ABHD18: variants seen among roughly 807,000 people sequenced by gnomAD.
ABHD18 encodes cardiolipin-specific deacylase, mitochondrial.
In ABHD18, 55 loss-of-function variants were observed where a neutral mutation model predicts 65.9. The ratio of observed to expected loss-of-function variants is 0.84; its 90% CI spans 0.67 to 1.05. ABHD18 has a LOEUF of 1.05. Ranked by LOEUF, ABHD18 falls within the 50% of genes least tolerant of loss-of-function variation. The pLI, the probability that ABHD18 is intolerant of heterozygous loss-of-function variation, is 0.00. For missense variants in ABHD18, 533 were observed against 558.5 expected, an observed-to-expected ratio of 0.95 and a Z score of 0.46; for synonymous variants, 181 against 180.2, an observed-to-expected ratio of 1.00 and a Z score of -0.04.
intron 12 of ABHD18, chr4:128,031,328 T>C (rs977852620): frequency 2.2e-4 from 35 of 157,262 alleles, no homozygotes; most frequent in Non-Finnish European, 4.1e-4. Context: ...TAGCCGGGCA[T>C]AGGTGGTGCA....
At chr4:127,984,498 G>GTT in intron 3 of ABHD18, 75 bp downstream of exon 3, 1 of 769,684 alleles carries the variant, frequency 1.3e-6, no homozygotes, top group Non-Finnish European at 2.0e-6. Context: ...ATTACATATT[G>GTT]GAGTATAACA....
At chr4:127,966,702 CAAAAAAAAAAAAAAAAAAAAAAAAAA>C (rs70966065) in intron 1 of ABHD18, among the ~76,000 whole-genome samples, 1 of 21,518 alleles carries the variant, frequency 4.6e-5, no homozygotes, top group African/African-American at 1.8e-4. Flanking sequence ...ACTAAAAATA[CAAAAAAAAAAAAAAAAAAAAAAAAAA>C]AAAAAAAAAA....
intron 4 of ABHD18, among the ~76,000 whole-genome samples, chr4:128,003,535 A>G (rs1218931780): frequency 2.0e-5 from 3 of 152,126 alleles, no homozygotes; most frequent in Non-Finnish European, 2.9e-5. Context: ...AAAGAATTTT[A>G]AAAAGAATAA....
chr4:128,018,730 T>A (rs1406752092), intron 8 of ABHD18, among the ~76,000 whole-genome samples: 2 of 152,060 alleles, frequency 1.3e-5, no homozygotes, highest in African/African-American at 4.8e-5. Context: ...AATTCAAAAC[T>A]ATGCTGGGCA....
In ABHD18 at chr4:127,982,979, T is replaced by C; in HGVS notation, c.24T>C (p.Ile8=). MGVSKLD[I]LYRRLLLTKL... ...TGATGGGTGTGAGCAAGTTAGATAT[T>C]CTATACCGGAGACTTCTCCTAACAA... is the stretch of plus-strand genomic sequence containing the variant. Residue 8 remains isoleucine (I), a synonymous_variant, in exon 2 of 13, where the codon ATT becomes ATC. Coordinates refer to ENST00000645843, the MANE Select transcript of ABHD18 (RefSeq NM_001358451.3). 6.4e-7 allele frequency: 1 copy of C among 1,565,626 alleles called. No individual in the cohort carries two copies. Among genetic ancestry groups the C allele is most frequent in the Non-Finnish European group, 8.7e-7 (1 of 1,153,726 alleles).
intron 10 of ABHD18, among the ~76,000 whole-genome samples, chr4:128,027,121 C>T (rs1421245658): frequency 2.6e-5 from 4 of 152,108 alleles, no homozygotes; most frequent in Non-Finnish European, 5.9e-5. Flanking sequence ...CAAATACTTA[C>T]AATTGTGTTA....
rs1744963796 is a variant in ABHD18 at position 127,965,463 on chromosome 4, T to C, written c.-161T>C. ...TTCCTCCCTCCGTTTCTCCTTCCGCTGTATCTAGCATTTCGGTTCCTGGAA... is the reference window on the plus strand; with the variant it reads ...TTCCTCCCTCCGTTTCTCCTTCCGCCGTATCTAGCATTTCGGTTCCTGGAA... On this transcript the variant is annotated 5_prime_UTR_variant, in exon 1 of 13. Coordinates refer to ENST00000645843, the MANE Select transcript of ABHD18 (RefSeq NM_001358451.3). 2.1e-6 allele frequency: 1 copy of C among 473,604 alleles called. No homozygotes were observed. The highest frequency in any genetic ancestry group is 3.9e-6 in the Non-Finnish European group (1 of 256,998). The allele number at this position is 473,604 out of a possible 1,614,324, so 29.3% of individuals were successfully genotyped here.
chr4:127,998,284 T>TC (rs200169639), intron 4 of ABHD18, among the ~76,000 whole-genome samples: 2 of 147,364 alleles, frequency 1.4e-5, no homozygotes, highest in African/African-American at 4.9e-5. Flanking sequence ...GACGTTTCTT[T>TC]TTTTTTTTTT....
At chr4:128,026,318 G>T (rs1048323662) in intron 10 of ABHD18, among the ~76,000 whole-genome samples, 6 of 152,024 alleles carry the variant, frequency 3.9e-5, no homozygotes, top group Middle Eastern at 3.4e-3. Context: ...AATTAGCCAG[G>T]CATGGTGGCA....
intron 2 of ABHD18, among the ~76,000 whole-genome samples, 160 bp from the exon 3 acceptor site, chr4:127,984,176 AAAC>A (rs1479260707): frequency 6.6e-6 from 1 of 152,268 alleles, no homozygotes; most frequent in Non-Finnish European, 1.5e-5. Context: ...GTTTGGGAAA[AAAC>A]AACAGCCTAA....
At chr4:127,991,376 A>G (rs955602355) in intron 4 of ABHD18, among the ~76,000 whole-genome samples, 13 of 151,946 alleles carry the variant, frequency 8.6e-5, no homozygotes, top group Non-Finnish European at 1.8e-4. Context: ...ATAGGCACCC[A>G]CCACACCTGG....
intron 1 of ABHD18, among the ~76,000 whole-genome samples, chr4:127,975,318 C>T (rs1302104937): frequency 6.6e-6 from 1 of 152,110 alleles, no homozygotes; most frequent in African/African-American, 2.4e-5. Context: ...TTCCCATCCC[C>T]CCAGTACTGG....
intron 8 of ABHD18, among the ~76,000 whole-genome samples, 163 bp from the exon 9 acceptor site, chr4:128,019,917 A>T (rs915034925): frequency 1.3e-5 from 2 of 152,180 alleles, no homozygotes; most frequent in Non-Finnish European, 2.9e-5. Flanking sequence ...TGAATTTATG[A>T]TTTGGGGAAT....
In ABHD18 at chr4:127,980,487, C is replaced by T. The variant is rs187756599; in HGVS notation, c.-17-2452C>T. Among the ~76,000 whole-genome samples the T allele has an allele frequency of 5.9e-5, 9 of 152,106 alleles. No homozygotes were observed. The East Asian group carries it at 1.7e-3, about 29-fold the overall frequency. ...GAAAAAGATCAGAAAGAGTAGAATCCAAACTGTTAGCACTAGATATGCCTG... is the reference window on the plus strand; with the variant it reads ...GAAAAAGATCAGAAAGAGTAGAATCTAAACTGTTAGCACTAGATATGCCTG... On this transcript the variant is annotated intron_variant, in intron 1 of 12. Coordinates refer to ENST00000645843, the MANE Select transcript of ABHD18 (RefSeq NM_001358451.3).
intron 1 of ABHD18, among the ~76,000 whole-genome samples, chr4:127,981,575 T>A (rs1749057732): frequency 6.6e-6 from 1 of 152,178 alleles, no homozygotes; most frequent in African/African-American, 2.4e-5. Flanking sequence ...TACATATTCT[T>A]AGAAGTGCAG....
At position 128,036,110 on chromosome 4, in the gene ABHD18, A is replaced by G. The variant is rs561621635; in HGVS notation, c.*297A>G. On this transcript the variant is annotated 3_prime_UTR_variant, in exon 13 of 13. Coordinates refer to ENST00000645843, the MANE Select transcript of ABHD18 (RefSeq NM_001358451.3). ...TGAAAAACTAAATTTTTAATCATGA[A>G]TAATTTATTAAATTAAATAAATTTA... The G allele has an allele frequency of 5.0e-6, 1 of 201,036 alleles. No homozygotes were observed. Among genetic ancestry groups the G allele is most frequent in the Admixed American group, 5.9e-5 (1 of 16,894 alleles). 12.5% of individuals were successfully genotyped at this position (201,036 alleles called of 1,614,324 possible).
At chr4:127,984,147 T>C (rs1749563495) in intron 2 of ABHD18, among the ~76,000 whole-genome samples, 192 bp from the exon 3 acceptor site, 1 of 152,242 alleles carries the variant, frequency 6.6e-6, no homozygotes, top group South Asian at 2.1e-4. Flanking sequence ...TTCTCACATT[T>C]TTCTGAAAAA....
At chr4:127,999,561 T>C (rs562395473) in intron 4 of ABHD18, among the ~76,000 whole-genome samples, 1 of 152,358 alleles carries the variant, frequency 6.6e-6, no homozygotes, top group East Asian at 1.9e-4. Flanking sequence ...GGTACTATGC[T>C]CATGACCTGG....
At chr4:128,029,199 A>T (rs568627025) in intron 11 of ABHD18, among the ~76,000 whole-genome samples, 1 of 151,910 alleles carries the variant, frequency 6.6e-6, no homozygotes, top group East Asian at 1.9e-4. Context: ...CAAAAAAAAA[A>T]ATACAAAAAA....
Sources: gnomAD v4.1 joint callset for allele counts (sites outside exome capture counted in the v4.1 genomes callset) on GRCh38, gnomAD v4.1.1 for gene constraint, MANE v1.5 for transcripts, NCBI Gene and HGNC (gene_info 2026-07-23, HGNC 2026-07-21) for gene names.